PAM: variants seen among roughly 807,000 people sequenced by gnomAD.
PAM encodes peptidylglycine alpha-amidating monooxygenase.
PAM carries 72 observed loss-of-function variants against 122.1 expected under a neutral mutation model. The observed-to-expected ratio is 0.59, with a 90% CI of 0.49 to 0.72. The LOEUF is 0.72. PAM is among the 30% of genes least tolerant of loss of function. The probability of loss-of-function intolerance (pLI) is 0.00; values close to 1 mark genes in which losing one functional copy is unlikely to be tolerated. For synonymous variants in PAM, 389 were observed against 404.4 expected (o/e 0.96, Z 0.46); for missense variants, 1,106 against 1,183.7 (o/e 0.93, Z 0.96).
rs1035740404 is a variant in PAM at position 103,007,719 on chromosome 5, G to T, written c.2215+62G>T. On this transcript the variant is annotated intron_variant, in intron 20 of 25. Coordinates refer to ENST00000438793, the MANE Select transcript of PAM (RefSeq NM_001177306.2). ...ACTGTACTCTATCCTTAAAAATTGT[G>T]TTATCTTAATGTGCTCTTTTTATAA... 1.5e-5 allele frequency: 16 copies of T among 1,070,632 alleles called. No individual in the cohort carries two copies. The African/African-American group carries it at 2.0e-4, about 14-fold the overall frequency. The allele number at this position is 1,070,632 out of a possible 1,614,324, so 66.3% of individuals were successfully genotyped here.
chr5:102,854,881 G>A (rs1383589641), intron 1 of PAM, among the ~76,000 whole-genome samples: 1 of 152,124 alleles, frequency 6.6e-6, no homozygotes, highest in Non-Finnish European at 1.5e-5. Flanking sequence ...TAGTTCATGG[G>A]GAATTTGGGG....
intron 1 of PAM, among the ~76,000 whole-genome samples, chr5:102,794,568 A>T (rs1762876278): frequency 6.6e-6 from 1 of 151,800 alleles, no homozygotes; most frequent in Admixed American, 6.6e-5. Context: ...AAAAAGATTT[A>T]TTTTTTTTGT....
chr5:102,783,155 G>C (rs1004756124), intron 1 of PAM, among the ~76,000 whole-genome samples: 1 of 150,472 alleles, frequency 6.6e-6, no homozygotes, highest in African/African-American at 2.5e-5. Flanking sequence ...TATATTTGTT[G>C]TCATGACCAG....
intron 1 of PAM, among the ~76,000 whole-genome samples, chr5:102,807,753 A>G (rs546538000): frequency 4.6e-5 from 7 of 152,320 alleles, no homozygotes; most frequent in African/African-American, 1.7e-4. Flanking sequence ...GACAGTGTTA[A>G]TGCTAGCTAA....
chr5:102,763,191 T>C (rs1225285334), intron 1 of PAM, among the ~76,000 whole-genome samples: 1 of 152,220 alleles, frequency 6.6e-6, no homozygotes, highest in East Asian at 1.9e-4. Flanking sequence ...TGCATTGTCC[T>C]GGGTTCCTCC....
At chr5:102,791,561 A>G (rs1369212925) in intron 1 of PAM, among the ~76,000 whole-genome samples, 7 of 152,058 alleles carry the variant, frequency 4.6e-5, no homozygotes, top group Non-Finnish European at 1.0e-4. Flanking sequence ...ACATTAACCC[A>G]GTTGTATTTT....
At chr5:102,800,212 G>A (rs539350193) in intron 1 of PAM, among the ~76,000 whole-genome samples, 138 of 152,118 alleles carry the variant, frequency 9.1e-4, no homozygotes, top group African/African-American at 3.0e-3. Context: ...TCTATTCTTC[G>A]ATTTTTATGC....
intron 3 of PAM, among the ~76,000 whole-genome samples, chr5:102,886,316 A>G (rs1793066272): frequency 6.6e-6 from 1 of 152,042 alleles, no homozygotes; most frequent in African/African-American, 2.4e-5. Flanking sequence ...ACCTTCTAGC[A>G]AATCCCAAAG....
chr5:102,946,550 T>C (rs774774820), intron 7 of PAM, among the ~76,000 whole-genome samples: 2 of 148,244 alleles, frequency 1.3e-5, no homozygotes, highest in Non-Finnish European at 1.5e-5. Context: ...TTAACAACTT[T>C]CTAGTATCTA....
At position 102,949,607 on chromosome 5, in the gene PAM, T is replaced by A; in HGVS notation, c.714T>A (p.Thr238=). ...ATGTCTTTGCCTATAGAGTTCACACTCACCATTTAGGTAAGAACTTTACAT... is the reference window on the plus strand; with the variant it reads ...ATGTCTTTGCCTATAGAGTTCACACACACCATTTAGGTAAGAACTTTACAT... ...PMHVFAYRVH[T]HHLGKVVSGY... Residue 238 remains threonine (T), a synonymous_variant, in exon 10 of 26, where the codon ACT becomes ACA. Transcript: ENST00000438793. 7.0e-7 allele frequency: 1 copy of A among 1,420,718 alleles called. No homozygotes were observed. Among genetic ancestry groups the A allele is most frequent in the Non-Finnish European group, 1.0e-6 (1 of 1,004,394 alleles). The allele number at this position is 1,420,718 out of a possible 1,614,324, so 88.0% of individuals were successfully genotyped here.
At chr5:102,988,729 G>A (rs1772995771) in intron 15 of PAM, among the ~76,000 whole-genome samples, 1 of 143,072 alleles carries the variant, frequency 7.0e-6, no homozygotes, top group South Asian at 2.1e-4. Context: ...AGAAAAAAGG[G>A]AAGGAAGGGA....
intron 1 of PAM, among the ~76,000 whole-genome samples, chr5:102,818,013 T>A (rs1770477421): frequency 7.0e-6 from 1 of 143,308 alleles, no homozygotes; most frequent in Non-Finnish European, 1.5e-5. Flanking sequence ...CTACTTAAAC[T>A]TTTTTTTTCT....
chr5:103,003,168 G>A lies in PAM; in HGVS notation c.1730+19G>A, dbSNP rs1455799920. On this transcript the variant is annotated intron_variant, in intron 17 of 25. Transcript: ENST00000438793. ...AAAATCTGTGAGTTAAATGACTTAT[G>A]TTGTTAAGACTTGTACTACATATAT... The A allele has an allele frequency of 7.5e-6, 8 of 1,066,474 alleles. No individual in the cohort carries two copies. Among genetic ancestry groups the A allele is most frequent in the Non-Finnish European group, 1.2e-5 (8 of 679,804 alleles). 66.1% of individuals were successfully genotyped at this position (1,066,474 alleles called of 1,614,324 possible).
chr5:102,782,721 C>CTGTGTGTGTG (rs1460448799), intron 1 of PAM, among the ~76,000 whole-genome samples: 23 of 144,986 alleles, frequency 1.6e-4, no homozygotes, highest in African/African-American at 5.7e-4. Flanking sequence ...CTCTCTCTCT[C>CTGTGTGTGTG]TCTCTGTGTG....
At chr5:102,896,491 G>T (rs546797037) in intron 3 of PAM, among the ~76,000 whole-genome samples, 1 of 151,762 alleles carries the variant, frequency 6.6e-6, no homozygotes, top group South Asian at 2.1e-4. Flanking sequence ...TATTTCTAGA[G>T]CTCCCAGTAT....
chr5:102,890,682 G>GCA (rs1329882358), intron 3 of PAM, among the ~76,000 whole-genome samples: 2 of 151,758 alleles, frequency 1.3e-5, no homozygotes, highest in Admixed American at 1.3e-4. Context: ...ATGTGTATTT[G>GCA]TAAGCCTGAG....
At chr5:102,981,513 T>C (rs1562122811) in intron 15 of PAM, among the ~76,000 whole-genome samples, 1 of 152,174 alleles carries the variant, frequency 6.6e-6, no homozygotes, top group African/African-American at 2.4e-5. Flanking sequence ...TGAATGCTAA[T>C]TGATACCATA....
chr5:103,021,232 A>C (rs1783459290), intron 23 of PAM, among the ~76,000 whole-genome samples: 1 of 152,204 alleles, frequency 6.6e-6, no homozygotes, highest in South Asian at 2.1e-4. Context: ...TTGGTACCAA[A>C]GCCTGCACTC....
intron 1 of PAM, among the ~76,000 whole-genome samples, chr5:102,767,164 T>C (rs1277302944): frequency 6.6e-6 from 1 of 151,832 alleles, no homozygotes; most frequent in Non-Finnish European, 1.5e-5. Flanking sequence ...AAAAATTTAC[T>C]TTTCTCTTAG....
Sources: gnomAD v4.1 joint callset for allele counts (sites outside exome capture counted in the v4.1 genomes callset) on GRCh38, gnomAD v4.1.1 for gene constraint, MANE v1.5 for transcripts, NCBI Gene and HGNC (gene_info 2026-07-23, HGNC 2026-07-21) for gene names.